MACROD2: variants seen among roughly 807,000 people sequenced by gnomAD.
MACROD2 encodes mono-ADP ribosylhydrolase 2.
A neutral mutation model predicts 70.4 loss-of-function variants in MACROD2; 36 were observed. The observed-to-expected ratio is 0.51, with a 90% CI of 0.39 to 0.68. MACROD2 has a LOEUF of 0.68. Ranked by LOEUF, MACROD2 falls within the 30% of genes least tolerant of loss-of-function variation. The probability of loss-of-function intolerance (pLI) is 0.00; values close to 1 mark genes in which losing one functional copy is unlikely to be tolerated. For synonymous variants in MACROD2, 172 were observed against 178.8 expected, an observed-to-expected ratio of 0.96 and a Z score of 0.30; for missense variants, 496 against 538.4, an observed-to-expected ratio of 0.92 and a Z score of 0.78.
intron 8 of MACROD2, among the ~76,000 whole-genome samples, chr20:15,645,828 A>G (rs1351619256): frequency 6.6e-6 from 1 of 152,208 alleles, no homozygotes; most frequent in Non-Finnish European, 1.5e-5. Flanking sequence ...TATTTAATGC[A>G]TTGCACTTGC....
At chr20:14,115,012 A>G (rs1158807234) in intron 3 of MACROD2, among the ~76,000 whole-genome samples, 2 of 152,010 alleles carry the variant, frequency 1.3e-5, no homozygotes, top group South Asian at 2.1e-4. Context: ...CTGTCCTTTC[A>G]TTTTTACCTT....
chr20:14,241,498 A>G (rs568038902), intron 3 of MACROD2, among the ~76,000 whole-genome samples: 53 of 152,266 alleles, frequency 3.5e-4, no homozygotes, highest in African/African-American at 1.2e-3. Context: ...TACATTGTGA[A>G]GGATAAGTAG....
chr20:14,757,791 A>G, intron 5 of MACROD2: 1 of 1,530,888 alleles, frequency 6.5e-7, no homozygotes, highest in Non-Finnish European at 9.0e-7. Flanking sequence ...GGTATCCAGT[A>G]TCTCCGTGAT....
intron 15 of MACROD2, among the ~76,000 whole-genome samples, chr20:16,014,959 A>G (rs1040552923): frequency 1.3e-5 from 2 of 152,192 alleles, no homozygotes; most frequent in African/African-American, 2.4e-5. Flanking sequence ...AAGGAAGGCT[A>G]TATCCTAATG....
chr20:15,413,109 C>T (rs975401564), intron 6 of MACROD2, among the ~76,000 whole-genome samples: 1 of 152,198 alleles, frequency 6.6e-6, no homozygotes, highest in African/African-American at 2.4e-5. Context: ...TCTGCTCTTT[C>T]AATTCCTGGA....
At chr20:14,530,386 G>A (rs1269865568) in intron 4 of MACROD2, among the ~76,000 whole-genome samples, 1 of 152,194 alleles carries the variant, frequency 6.6e-6, no homozygotes, top group East Asian at 1.9e-4. Context: ...CAAAGGGATG[G>A]AGATTTGTTT....
intron 10 of MACROD2, among the ~76,000 whole-genome samples, chr20:15,910,807 C>T (rs1325231288): frequency 2.0e-5 from 3 of 152,214 alleles, no homozygotes; most frequent in Non-Finnish European, 2.9e-5. Flanking sequence ...CCAAGATTCT[C>T]TCAGATTCAA....
chr20:15,642,166 G>A (rs1205155834), intron 8 of MACROD2, among the ~76,000 whole-genome samples: 1 of 152,146 alleles, frequency 6.6e-6, no homozygotes, highest in Non-Finnish European at 1.5e-5. Flanking sequence ...GTGATCCTGT[G>A]AGCCACAAAA....
intron 5 of MACROD2, among the ~76,000 whole-genome samples, chr20:14,861,041 A>G (rs916892250): frequency 6.6e-6 from 1 of 152,120 alleles, no homozygotes; most frequent in Non-Finnish European, 1.5e-5. Flanking sequence ...ATTCTGTTAT[A>G]TAACAAAGGA....
At chr20:15,976,662 G>A (rs1016602881) in intron 13 of MACROD2, among the ~76,000 whole-genome samples, 2 of 152,228 alleles carry the variant, frequency 1.3e-5, no homozygotes, top group South Asian at 2.1e-4. Flanking sequence ...TGTGCAATAC[G>A]CCAAAGCCTG....
intron 10 of MACROD2, among the ~76,000 whole-genome samples, chr20:15,919,173 T>C (rs1336668318): frequency 6.6e-6 from 1 of 152,190 alleles, no homozygotes. Flanking sequence ...TTCTGCAAAT[T>C]GACCGATTTG....
At chr20:14,388,939 G>A (rs544032731) in intron 3 of MACROD2, among the ~76,000 whole-genome samples, 12 of 151,854 alleles carry the variant, frequency 7.9e-5, no homozygotes, top group East Asian at 3.9e-4. Flanking sequence ...GTGCAGTGGC[G>A]TGATCTCGGT....
intron 3 of MACROD2, among the ~76,000 whole-genome samples, chr20:14,204,202 T>A (rs1354152888): frequency 1.3e-5 from 2 of 152,182 alleles, no homozygotes; most frequent in Non-Finnish European, 2.9e-5. Context: ...CTCTGGAGAA[T>A]GCATGCTTCA....
At chr20:15,008,101 C>T (rs1334361141) in intron 5 of MACROD2, among the ~76,000 whole-genome samples, 1 of 152,260 alleles carries the variant, frequency 6.6e-6, no homozygotes, top group East Asian at 1.9e-4. Flanking sequence ...GGTGAATTAA[C>T]GTGCTATTAG....
At chr20:15,596,179 G>A (rs2048743875) in intron 8 of MACROD2, among the ~76,000 whole-genome samples, 1 of 152,220 alleles carries the variant, frequency 6.6e-6, no homozygotes, top group African/African-American at 2.4e-5. Context: ...TTGCCTAAAT[G>A]TTTTAGTATC....
chr20:14,034,976 G>T (rs2053290404), intron 2 of MACROD2, among the ~76,000 whole-genome samples: 1 of 151,616 alleles, frequency 6.6e-6, no homozygotes, highest in Non-Finnish European at 1.5e-5. Context: ...TTTCTTCTTG[G>T]TCTTAATCGG....
intron 7 of MACROD2, among the ~76,000 whole-genome samples, chr20:15,451,892 G>C (rs1380043974): frequency 6.6e-6 from 1 of 152,126 alleles, no homozygotes; most frequent in Non-Finnish European, 1.5e-5. Context: ...CAGAGAAAGG[G>C]GAAGGGCCTC....
intron 5 of MACROD2, among the ~76,000 whole-genome samples, chr20:15,172,458 C>T (rs1348216471): frequency 1.3e-5 from 2 of 152,206 alleles, no homozygotes; most frequent in East Asian, 3.8e-4. Context: ...GCAGTCATAG[C>T]TCATTGCAGC....
chr20:14,052,420 A>C (rs543185394), intron 2 of MACROD2, among the ~76,000 whole-genome samples: 1 of 152,302 alleles, frequency 6.6e-6, no homozygotes, highest in South Asian at 2.1e-4. Flanking sequence ...AATATTTTGA[A>C]TATTTTTAAT....
Sources: gnomAD v4.1 joint callset for allele counts (sites outside exome capture counted in the v4.1 genomes callset) on GRCh38, gnomAD v4.1.1 for gene constraint, MANE v1.5 for transcripts, NCBI Gene and HGNC (gene_info 2026-07-23, HGNC 2026-07-21) for gene names.